TMEM131: variants seen among roughly 807,000 people sequenced by gnomAD.
TMEM131 encodes 2610524E03Rik.
TMEM131 carries 66 observed loss-of-function variants against 211.6 expected under a neutral mutation model. That is an observed-to-expected ratio of 0.31 (90% CI 0.26 to 0.38). The LOEUF is 0.38. Ranked by LOEUF, TMEM131 falls within the 10% of genes least tolerant of loss-of-function variation. TMEM131 has a pLI of 1.00. For missense variants in TMEM131, 2,036 were observed against 2,299.3 expected (o/e 0.89, Z 2.34); for synonymous variants, 844 against 841.3 (o/e 1.00, Z -0.06).
At chr2:97,937,933 C>T (rs1191912315) in intron 1 of TMEM131, among the ~76,000 whole-genome samples, 1 of 152,116 alleles carries the variant, frequency 6.6e-6, no homozygotes, top group Non-Finnish European at 1.5e-5. Flanking sequence ...AACTAAACTT[C>T]GTAAGTGAAA....
intron 1 of TMEM131, among the ~76,000 whole-genome samples, chr2:97,947,718 A>G (rs950027561): frequency 2.0e-5 from 3 of 152,174 alleles, no homozygotes; most frequent in African/African-American, 7.2e-5. Context: ...ACAGAAAAGC[A>G]AAGGACCCAA....
chr2:97,777,214 G>A lies in TMEM131; in HGVS notation c.4145-1196C>T, dbSNP rs192302614. On this transcript the variant is annotated intron_variant, in intron 31 of 40. Transcript: ENST00000186436. ...CAAAATCACCTGGGCGGGCAGGCAG[G>A]TGCAAGCTGCAGAAGACACACAAGC... Among the ~76,000 whole-genome samples the A allele has an allele frequency of 1.4e-3, 212 of 152,334 alleles. 1 individual carries two copies. Among genetic ancestry groups the A allele is most frequent in the African/African-American group, 4.8e-3 (201 of 41,574 alleles).
intron 1 of TMEM131, among the ~76,000 whole-genome samples, chr2:97,972,449 G>A (rs1248776724): frequency 4.1e-5 from 6 of 145,212 alleles, no homozygotes; most frequent in Non-Finnish European, 7.7e-5. Flanking sequence ...GAGGGAGGGA[G>A]GGAGGGGAGG....
intron 1 of TMEM131, among the ~76,000 whole-genome samples, chr2:97,928,657 T>C (rs892773769): frequency 4.0e-5 from 6 of 151,776 alleles, no homozygotes; most frequent in Non-Finnish European, 7.4e-5. Context: ...AAAGAAACCA[T>C]ACACACGCAA....
intron 1 of TMEM131, among the ~76,000 whole-genome samples, chr2:97,977,869 T>C (rs1216621621): frequency 3.3e-5 from 5 of 151,970 alleles, no homozygotes; most frequent in Non-Finnish European, 7.4e-5. Context: ...AGGCGGATCA[T>C]GAGGTCAGGA....
intron 5 of TMEM131, among the ~76,000 whole-genome samples, chr2:97,846,688 A>C (rs113794127): frequency 6.6e-6 from 1 of 152,160 alleles, no homozygotes; most frequent in African/African-American, 2.4e-5. Context: ...TTTTTATTTT[A>C]AAGCTATCAT....
chr2:97,913,669 A>C (rs1676384404), intron 2 of TMEM131, among the ~76,000 whole-genome samples: 1 of 152,228 alleles, frequency 6.6e-6, no homozygotes, highest in African/African-American at 2.4e-5. Flanking sequence ...TAAACAGAAG[A>C]TTTAATCTTG....
chr2:97,935,082 T>C (rs187563440), intron 1 of TMEM131, among the ~76,000 whole-genome samples: 21 of 152,146 alleles, frequency 1.4e-4, no homozygotes, highest in Non-Finnish European at 1.5e-5. Context: ...CAGGACAAAC[T>C]ACGAAAAGGT....
At position 97,759,763 on chromosome 2, in the gene TMEM131, G is replaced by A. The variant is rs781729150; in HGVS notation, c.5109-14C>T. On this transcript the variant is annotated splice_polypyrimidine_tract_variant and intron_variant, in intron 38 of 40. Coordinates refer to ENST00000186436, the MANE Select transcript of TMEM131 (RefSeq NM_015348.2). The stretch of plus-strand genomic sequence containing the variant: ...CACAAACCCGAGCTAAATGTTACAA[G>A]AGGAAAACGCAACACACAAAAATGT... 2 of 1,601,650 alleles carry A rather than the reference G, an allele frequency of 1.2e-6. No individual in the cohort carries two copies. The highest frequency in any genetic ancestry group is 1.1e-5 in the South Asian group (1 of 89,394).
In TMEM131 at chr2:97,796,398, T is replaced by C; in HGVS notation, c.3020A>G (p.Lys1007Arg). ...CAATGTGAAATTTGGTTCTCTTAGT[T>C]TTAAACCTAAAGGATAAAAAATCAG... ...ALLKDCTDSL[K>R]LREPNFTLKR... Residue 1007 changes from lysine (K) to arginine (R), a missense_variant, in exon 28 of 41, where the codon AAA becomes AGA. Transcript: ENST00000186436. 6.6e-7 allele frequency: 1 copy of C among 1,516,054 alleles called. No individual in the cohort carries two copies. The highest frequency in any genetic ancestry group is 1.3e-5 in the South Asian group (1 of 78,306). 93.9% of individuals were successfully genotyped at this position (1,516,054 alleles called of 1,614,324 possible).
At chr2:97,896,090 A>T (rs1264213753) in intron 3 of TMEM131, among the ~76,000 whole-genome samples, 1 of 152,120 alleles carries the variant, frequency 6.6e-6, no homozygotes, top group African/African-American at 2.4e-5. Flanking sequence ...GGTTTCAAAG[A>T]ACATCTTTTT....
chr2:97,901,489 G>A (rs937558333), intron 3 of TMEM131, among the ~76,000 whole-genome samples: 1 of 152,084 alleles, frequency 6.6e-6, no homozygotes, highest in Admixed American at 6.6e-5. Flanking sequence ...GCAACCCCAG[G>A]TTTACCGTAG....
rs534341005 is a variant in TMEM131 at position 97,766,211 on chromosome 2, C to T, written c.4626G>A (p.Pro1542=). The change falls in exon 35 of 41, where the codon CCG becomes CCA. Residue 1542 remains proline (P), a synonymous_variant. Transcript: ENST00000186436. The part of the protein sequence containing the change: ...NRPPALAKFL[P]NSQELGNTSS... ...TGGTGTTGCCTAATTCTTGACTATT[C>T]GGGAGGAATTTTGCTAGGGCAGGTG... The T allele has an allele frequency of 2.1e-5, 34 of 1,613,970 alleles. No homozygotes were observed. The South Asian group carries it at 2.6e-4, about 13-fold the overall frequency.
At chr2:97,832,742 G>A (rs551454515) in intron 11 of TMEM131, among the ~76,000 whole-genome samples, 31 of 152,190 alleles carry the variant, frequency 2.0e-4, no homozygotes, top group Non-Finnish European at 3.7e-4. Flanking sequence ...GAGAGACGTT[G>A]TGGGCCAAGG....
intron 1 of TMEM131, among the ~76,000 whole-genome samples, chr2:97,958,421 T>C (rs181841718): frequency 1.6e-4 from 24 of 152,280 alleles, no homozygotes; most frequent in African/African-American, 5.8e-4. Context: ...AGAAAGCCCA[T>C]GGTGAAGTAG....
chr2:97,946,889 G>C (rs1046864750), intron 1 of TMEM131, among the ~76,000 whole-genome samples: 1 of 151,484 alleles, frequency 6.6e-6, no homozygotes, highest in African/African-American at 2.4e-5. Flanking sequence ...TGACCAAGTG[G>C]GATTTATCCC....
In TMEM131 at chr2:97,756,941, G is replaced by C; in HGVS notation, c.*158C>G. Reference sequence around the variant, plus strand: ...TCATAATTGCAAGAAAGATCTGAAAGAAGCGAGTGGTCTGAGCCTGCCCTG... The same window carrying C: ...TCATAATTGCAAGAAAGATCTGAAACAAGCGAGTGGTCTGAGCCTGCCCTG... On this transcript the variant is annotated 3_prime_UTR_variant, in exon 41 of 41. Transcript: ENST00000186436. 1.4e-6 allele frequency: 1 copy of C among 737,336 alleles called. No individual in the cohort carries two copies. The highest frequency in any genetic ancestry group is 2.7e-5 in the South Asian group (1 of 37,040). The allele number at this position is 737,336 out of a possible 1,614,324, so 45.7% of individuals were successfully genotyped here. A position where few individuals can be genotyped will look rare whatever the true frequency, so the allele number is the denominator to read the frequency against.
chr2:97,830,053 C>G (rs1682587582), intron 11 of TMEM131, among the ~76,000 whole-genome samples: 1 of 145,008 alleles, frequency 6.9e-6, no homozygotes, highest in Admixed American at 7.1e-5. Flanking sequence ...TTAAAATACG[C>G]TGCAGTAATA....
chr2:97,858,852 G>C (rs560612486), intron 5 of TMEM131, among the ~76,000 whole-genome samples: 1 of 152,320 alleles, frequency 6.6e-6, no homozygotes, highest in African/African-American at 2.4e-5. Flanking sequence ...TCCCCTCAGA[G>C]CCTCTGGACA....
Sources: allele counts gnomAD v4.1 joint callset (sites outside exome capture counted in the v4.1 genomes callset), GRCh38; gene constraint gnomAD v4.1.1; transcripts MANE v1.5; gene names NCBI Gene and HGNC (gene_info 2026-07-23, HGNC 2026-07-21).